ERCC6L2: variants seen among roughly 807,000 people sequenced by gnomAD.
The protein encoded by ERCC6L2 is DNA excision repair protein ERCC-6-like 2.
Under a neutral mutation model 132.0 loss-of-function variants are expected in ERCC6L2, and 77 were observed. That is an observed-to-expected ratio of 0.58 (90% CI 0.49 to 0.71). The LOEUF is 0.71. Ranked by LOEUF, ERCC6L2 falls within the 30% of genes least tolerant of loss-of-function variation. The pLI is 0.00. For synonymous variants in ERCC6L2, 583 were observed against 632.4 expected, an observed-to-expected ratio of 0.92 and a Z score of 1.17; for missense variants, 1,542 against 1,837.6, an observed-to-expected ratio of 0.84 and a Z score of 2.94.
chr9:95,949,918 A>T (rs571326329), intron 12 of ERCC6L2, among the ~76,000 whole-genome samples: 1 of 152,070 alleles, frequency 6.6e-6, no homozygotes, highest in South Asian at 2.1e-4. Flanking sequence ...TGAGGCAGAG[A>T]ATTGCTTGAA....
chr9:95,955,640 T>G (rs562947239), intron 12 of ERCC6L2, among the ~76,000 whole-genome samples: 8 of 149,004 alleles, frequency 5.4e-5, no homozygotes, highest in South Asian at 4.2e-4. Flanking sequence ...AAAACCTGAA[T>G]TTAGGAAATG....
At chr9:96,024,293 G>A (rs1834332790) in intron 19 of ERCC6L2, among the ~76,000 whole-genome samples, 1 of 152,234 alleles carries the variant, frequency 6.6e-6, no homozygotes, top group African/African-American at 2.4e-5. Flanking sequence ...CTGGTGACCA[G>A]GGAAGAGGAG....
At chr9:95,916,529 C>G (rs1442628477) in intron 6 of ERCC6L2, 95 bp downstream of exon 6, 1 of 1,038,360 alleles carries the variant, frequency 9.6e-7, no homozygotes, top group Non-Finnish European at 1.3e-6. Context: ...TTTGTAAATA[C>G]AGTTTTTTGC....
intron 19 of ERCC6L2, among the ~76,000 whole-genome samples, chr9:96,026,658 A>ACACACCACACACAG (rs1449266213): frequency 7.1e-6 from 1 of 140,312 alleles, no homozygotes; most frequent in Non-Finnish European, 1.6e-5. Context: ...CCACACACAA[A>ACACACCACACACAG]CACACCACAC....
chr9:95,923,232 AT>A, intron 8 of ERCC6L2, 27 bp from the exon 9 acceptor site: 1 of 1,608,728 alleles, frequency 6.2e-7, no homozygotes, highest in South Asian at 1.1e-5. Context: ...AAGTGGAAAT[AT>A]CTTTTCTTCT....
chr9:95,975,885 A>T (rs1287662684), intron 16 of ERCC6L2, among the ~76,000 whole-genome samples: 1 of 152,030 alleles, frequency 6.6e-6, no homozygotes, highest in Non-Finnish European at 1.5e-5. Context: ...TTAAAAAAAA[A>T]TTTCTAAGTC....
intron 3 of ERCC6L2, among the ~76,000 whole-genome samples, chr9:95,898,939 T>A (rs1255262488): frequency 2.0e-5 from 3 of 152,138 alleles, no homozygotes; most frequent in Admixed American, 2.0e-4. Flanking sequence ...TTCAATGTGA[T>A]CCTGAAGAGA....
At chr9:95,904,761 A>G (rs1013553746) in intron 3 of ERCC6L2, among the ~76,000 whole-genome samples, 33 of 152,188 alleles carry the variant, frequency 2.2e-4, no homozygotes, top group African/African-American at 7.2e-4. Flanking sequence ...TCCACACTAC[A>G]TCATTCTTCT....
intron 20 of ERCC6L2, among the ~76,000 whole-genome samples, chr9:96,040,812 C>T (rs947239393): frequency 4.6e-5 from 7 of 152,240 alleles, no homozygotes; most frequent in South Asian, 4.1e-4. Flanking sequence ...GGCGTGCCCT[C>T]GGCCATCAGT....
chr9:96,040,653 GCCATGACTCTTATGTCCGTATGCGTGGC>G (rs1834567713), intron 20 of ERCC6L2, among the ~76,000 whole-genome samples: 1 of 152,218 alleles, frequency 6.6e-6, no homozygotes, highest in Non-Finnish European at 1.5e-5. Context: ...CCTGCCCCCT[GCCATGACTCTTATGTCCGTATGCGTGGC>G]CCATGGCCAC....
Position 95,973,076 on chromosome 9 carries a change from G to A in ERCC6L2, c.3325G>A (p.Asp1109Asn). 7.5e-7 allele frequency: 1 copy of A among 1,334,554 alleles called. No individual in the cohort carries two copies. Among genetic ancestry groups the A allele is most frequent in the Non-Finnish European group, 9.9e-7 (1 of 1,009,414 alleles). The allele number at this position is 1,334,554 out of a possible 1,614,324, so 82.7% of individuals were successfully genotyped here. A position where few individuals can be genotyped will look rare whatever the true frequency, so the allele number is the denominator to read the frequency against. ...TCAAGAGCAGTCGTATGAATCAATG[G>A]ATAAATTTTTAGGTAACTAAAGACA... Reference protein sequence around the residue: ...VNQEQSYESMDKFLDGVQEVA... With the variant: ...VNQEQSYESMNKFLDGVQEVA... Residue 1109 changes from aspartate (D) to asparagine (N), a missense_variant, in exon 16 of 19, where the codon GAT (aspartate) becomes AAT (asparagine). This residue lies in a region of ERCC6L2 where 442 missense variants were observed against 583.4 expected (regional missense o/e 0.76). Transcript: ENST00000653738.
At chr9:95,913,098 T>C (rs1338444605) in intron 4 of ERCC6L2, among the ~76,000 whole-genome samples, 3 of 152,182 alleles carry the variant, frequency 2.0e-5, no homozygotes, top group Non-Finnish European at 2.9e-5. Flanking sequence ...GATCAAATAA[T>C]CTGTGGAGTG....
chr9:95,984,573 AG>A (rs1231079895), intron 17 of ERCC6L2, among the ~76,000 whole-genome samples: 5 of 152,256 alleles, frequency 3.3e-5, no homozygotes, highest in Middle Eastern at 3.4e-3. Flanking sequence ...TTCAGCCAGT[AG>A]TACTTTCTAT....
chr9:96,016,859 T>A lies in ERCC6L2; in HGVS notation c.*3656T>A, dbSNP rs1415846398. ...AAGTTTTATTTGACACTTACTGGTC[T>A]ATAAAATCCAAAGGAATGGGGATCA... On this transcript the variant is annotated 3_prime_UTR_variant, in exon 19 of 19. Coordinates refer to ENST00000653738, the MANE Select transcript of ERCC6L2 (RefSeq NM_020207.7). Among the ~76,000 whole-genome samples, 1 of 152,240 alleles carries A rather than the reference T, an allele frequency of 6.6e-6. No homozygotes were observed. The highest frequency in any genetic ancestry group is 1.5e-5 in the Non-Finnish European group (1 of 68,030).
rs1379207526 is a variant in ERCC6L2 at position 95,973,163 on chromosome 9, T to TC, written c.3337+75_3337+76insC. 3 of 1,025,442 alleles carry TC rather than the reference T, an allele frequency of 2.9e-6. No individual in the cohort carries two copies. In the East Asian group the frequency reaches 1.8e-4, roughly 61 times the overall value. The allele number at this position is 1,025,442 out of a possible 1,614,324, so 63.5% of individuals were successfully genotyped here. On this transcript the variant is annotated intron_variant, in intron 16 of 18. Coordinates refer to ENST00000653738, the MANE Select transcript of ERCC6L2 (RefSeq NM_020207.7). ...AAATAGTTCTGTGAGACGCTTTGAA[T>TC]TAACTTGTAAAACAGCCCTAAAATC...
chr9:96,012,108 A>G, intron 18 of ERCC6L2, 117 bp from the exon 19 acceptor site: 2 of 618,742 alleles, frequency 3.2e-6, no homozygotes, highest in South Asian at 2.8e-5. Context: ...CAGCAGACGT[A>G]TGCTAAAGGA....
At chr9:95,889,734 A>G (rs542598390) in intron 2 of ERCC6L2, among the ~76,000 whole-genome samples, 1 of 152,196 alleles carries the variant, frequency 6.6e-6, no homozygotes, top group African/African-American at 2.4e-5. Context: ...AAAGGTAGTT[A>G]GAACCCAAAA....
intron 17 of ERCC6L2, among the ~76,000 whole-genome samples, chr9:96,002,081 G>T (rs1045472257): frequency 6.6e-6 from 1 of 152,326 alleles, no homozygotes; most frequent in South Asian, 2.1e-4. Flanking sequence ...ACACAGCCCC[G>T]GTTCCCGCGC....
intron 1 of ERCC6L2, among the ~76,000 whole-genome samples, chr9:95,880,199 T>A (rs895756275): frequency 3.9e-5 from 6 of 152,130 alleles, no homozygotes; most frequent in South Asian, 2.1e-4. Context: ...GTGACATCAC[T>A]GTAGTTGAAT....
Sources: gnomAD v4.1 joint callset for allele counts (sites outside exome capture counted in the v4.1 genomes callset) on GRCh38, gnomAD v4.1.1 for gene constraint, gnomAD v4.1.1 regional missense constraint, MANE v1.5 for transcripts, NCBI Gene and HGNC (gene_info 2026-07-23, HGNC 2026-07-21) for gene names.